The following FAM107B variants were observed in gnomAD, a reference collection of about 807,000 sequenced individuals.
The protein encoded by FAM107B is family with sequence similarity 107 member B.
FAM107B carries 21 observed loss-of-function variants against 31.5 expected under a neutral mutation model. The observed-to-expected ratio is 0.67, with a 90% confidence interval of 0.47 to 0.96. FAM107B has a LOEUF of 0.96. FAM107B is among the 40% of genes least tolerant of loss of function. The pLI is 0.00. For missense variants in FAM107B, 452 were observed against 377.1 expected (o/e 1.20, Z -1.64); for synonymous variants, 157 against 141.5 (o/e 1.11, Z -0.78).
At chr10:14,668,091 G>C (rs527373922) in intron 1 of FAM107B, among the ~76,000 whole-genome samples, 1 of 152,012 alleles carries the variant, frequency 6.6e-6, no homozygotes, top group Non-Finnish European at 1.5e-5. Context: ...CACCAAGCTG[G>C]AGTGCAGTGG....
At chr10:14,746,851 G>C (rs1832735501) in intron 1 of FAM107B, among the ~76,000 whole-genome samples, 1 of 152,280 alleles carries the variant, frequency 6.6e-6, no homozygotes, top group East Asian at 1.9e-4. Context: ...ATCTTGTCAG[G>C]TTGGGGAAGT....
At chr10:14,658,629 A>G (rs953788757) in intron 2 of FAM107B, among the ~76,000 whole-genome samples, 1 of 152,242 alleles carries the variant, frequency 6.6e-6, no homozygotes, top group African/African-American at 2.4e-5. Flanking sequence ...AAACAAAGAG[A>G]AAAAGACGCA....
chr10:14,583,964 G>A (rs1191819134), intron 2 of FAM107B, among the ~76,000 whole-genome samples: 1 of 152,360 alleles, frequency 6.6e-6, no homozygotes, highest in South Asian at 2.1e-4. Flanking sequence ...TCTTAGGAAA[G>A]AGGGTTTTGA....
intron 2 of FAM107B, among the ~76,000 whole-genome samples, chr10:14,648,394 C>T (rs749401274): frequency 1.1e-4 from 17 of 152,226 alleles, no homozygotes; most frequent in African/African-American, 1.7e-4. Flanking sequence ...CTTTCAGAGG[C>T]GCCTGTTGCT....
intron 1 of FAM107B, among the ~76,000 whole-genome samples, chr10:14,689,128 C>A (rs757357015): frequency 1.3e-5 from 2 of 152,030 alleles, no homozygotes; most frequent in African/African-American, 4.8e-5. Flanking sequence ...TGGCCAGGTG[C>A]GGTGGCTCAC....
chr10:14,584,522 G>C (rs374496608), intron 2 of FAM107B, among the ~76,000 whole-genome samples: 3 of 152,302 alleles, frequency 2.0e-5, no homozygotes, highest in African/African-American at 7.2e-5. Flanking sequence ...AAAATAGTTG[G>C]TGCAGAAATT....
At chr10:14,731,447 A>G (rs887431429) in intron 1 of FAM107B, among the ~76,000 whole-genome samples, 11 of 152,180 alleles carry the variant, frequency 7.2e-5, no homozygotes, top group Admixed American at 2.0e-4. Flanking sequence ...CTGCGGTCCC[A>G]GCTACTTGGA....
chr10:14,521,216 C>T lies in FAM107B; in HGVS notation c.895G>A (p.Glu299Lys), dbSNP rs767464134. Reference protein sequence around the residue: ...VKGNLRRTGQEVAQAQES With the variant: ...VKGNLRRTGQKVAQAQES The stretch of plus-strand genomic sequence containing the variant: ...TAGGACTCCTGGGCTTGGGCGACTT[C>T]TTGGCCTGTTCTCCTGAGATTGCCT... The change falls in exon 5 of 5, where the codon GAA becomes AAA. Residue 299 changes from glutamate (E) to lysine (K), a missense_variant. Transcript: ENST00000181796. 3.1e-6 allele frequency: 5 copies of T among 1,614,204 alleles called. No homozygotes were observed. Among genetic ancestry groups the T allele is most frequent in the Non-Finnish European group, 2.5e-6 (3 of 1,180,014 alleles).
At chr10:14,580,225 T>C (rs1383117099) in intron 2 of FAM107B, among the ~76,000 whole-genome samples, 1 of 151,770 alleles carries the variant, frequency 6.6e-6, no homozygotes, top group African/African-American at 2.4e-5. Context: ...CTGGGCATGG[T>C]GGTGGGTGCC....
chr10:14,525,322 C>T (rs1241853256), intron 3 of FAM107B, among the ~76,000 whole-genome samples: 2 of 151,990 alleles, frequency 1.3e-5, no homozygotes, highest in African/African-American at 4.8e-5. Flanking sequence ...ATTCCCAAGT[C>T]GGCTTCTCGG....
chr10:14,685,146 T>G (rs868800703), intron 1 of FAM107B, among the ~76,000 whole-genome samples: 196 of 144,648 alleles, frequency 1.4e-3, no homozygotes, highest in Middle Eastern at 3.4e-3. Context: ...CCTTTTATTT[T>G]TTTTTTTTTT....
chr10:14,530,485 T>C lies in FAM107B; in HGVS notation c.500A>G (p.Asp167Gly). 2 of 1,613,054 alleles carry C rather than the reference T, an allele frequency of 1.2e-6. No individual in the cohort carries two copies. The highest frequency in any genetic ancestry group is 1.7e-6 in the Non-Finnish European group (2 of 1,179,776). Residue 167 changes from aspartate (D) to glycine (G), a missense_variant, in exon 3 of 5, where the codon GAC becomes GGC. Coordinates refer to ENST00000181796, the MANE Select transcript of FAM107B (RefSeq NM_031453.4). ...DSPPEDIDHK[D>G]SYLITRSIMA... ...GATGCTTCTTGTAATGAGATATGAG[T>C]CCTTATGGTCAATATCCTCAGGTGG...
intron 1 of FAM107B, among the ~76,000 whole-genome samples, chr10:14,698,001 T>G (rs191801605): frequency 2.4e-4 from 37 of 152,168 alleles, no homozygotes; most frequent in Admixed American, 2.0e-4. Context: ...GGCACGTGCC[T>G]GTAGTCCCAG....
rs1324713417 is a variant in FAM107B, at chr10:14,613,358, T to C, written c.469+54276A>G. Among the ~76,000 whole-genome samples, 5 of 152,320 alleles carry C rather than the reference T, an allele frequency of 3.3e-5. No individual in the cohort carries two copies. In the East Asian group the frequency reaches 9.6e-4, roughly 29 times the overall value. ...GTGGTACGGAAATTGATTTTAAGAATGATTTGCTCATGACCATTCTTAGCT... is the reference window on the plus strand; with the variant it reads ...GTGGTACGGAAATTGATTTTAAGAACGATTTGCTCATGACCATTCTTAGCT... On this transcript the variant is annotated intron_variant, in intron 2 of 4. Transcript: ENST00000181796.
chr10:14,614,874 G>C, intron 2 of FAM107B, among the ~76,000 whole-genome samples: 1 of 151,972 alleles, frequency 6.6e-6, no homozygotes, highest in East Asian at 1.9e-4. Context: ...AGAATCACTC[G>C]GGGAGCAGCA....
At chr10:14,696,905 T>C (rs1028345467) in intron 1 of FAM107B, among the ~76,000 whole-genome samples, 2 of 152,142 alleles carry the variant, frequency 1.3e-5, no homozygotes, top group Admixed American at 6.6e-5. Flanking sequence ...TTAGCATCTC[T>C]GAAAAGTGTC....
At chr10:14,611,610 C>T (rs1235325827) in intron 2 of FAM107B, among the ~76,000 whole-genome samples, 1 of 150,120 alleles carries the variant, frequency 6.7e-6, no homozygotes, top group Non-Finnish European at 1.5e-5. Context: ...AAGAGATCTG[C>T]CTGGTGACCT....
intron 2 of FAM107B, among the ~76,000 whole-genome samples, chr10:14,623,573 C>A (rs1853073447): frequency 6.6e-6 from 1 of 152,208 alleles, no homozygotes; most frequent in African/African-American, 2.4e-5. Context: ...CGCCCGTAAT[C>A]CCAGCATTTT....
At chr10:14,596,464 T>C (rs774959225) in intron 2 of FAM107B, among the ~76,000 whole-genome samples, 3 of 152,188 alleles carry the variant, frequency 2.0e-5, no homozygotes, top group Non-Finnish European at 4.4e-5. Flanking sequence ...ATTCATTAAA[T>C]AGTTGCTGAA....
Sources: allele counts gnomAD v4.1 joint callset (sites outside exome capture counted in the v4.1 genomes callset), GRCh38; gene constraint gnomAD v4.1.1; transcripts MANE v1.5; gene names NCBI Gene and HGNC (gene_info 2026-07-23, HGNC 2026-07-21).